Variants in FAM228B observed in about 807,000 individuals in gnomAD.
FAM228B encodes protein FAM228B.
FAM228B carries 38 observed loss-of-function variants against 42.6 expected under a neutral mutation model. That is an observed-to-expected ratio of 0.89 (90% CI 0.69 to 1.17). The LOEUF is 1.17. Ranked by LOEUF, FAM228B falls within the 50% of genes most tolerant of loss-of-function variation. The pLI is 0.00. For synonymous variants in FAM228B, 109 were observed against 122.3 expected, an observed-to-expected ratio of 0.89 and a Z score of 0.72; for missense variants, 344 against 367.3, an observed-to-expected ratio of 0.94 and a Z score of 0.52.
intron 2 of FAM228B, among the ~76,000 whole-genome samples, chr2:24,131,457 T>C (rs532813267): frequency 3.7e-4 from 57 of 152,374 alleles, no homozygotes; most frequent in African/African-American, 1.3e-3. Context: ...TTCCTATCCA[T>C]GAGCATGGAA....
chr2:24,167,561 C>G (rs906517960), intron 9 of FAM228B, 66 bp from the exon 10 acceptor site: 3 of 1,546,348 alleles, frequency 1.9e-6, no homozygotes, highest in Non-Finnish European at 2.6e-6. Context: ...TGAAGACAGT[C>G]TGTTCAGTAA....
At chr2:24,101,651 G>T (rs929593855) in intron 3 of FAM228B, among the ~76,000 whole-genome samples, 3 of 151,862 alleles carry the variant, frequency 2.0e-5, no homozygotes, top group Non-Finnish European at 4.4e-5. Context: ...TTCGAAATTA[G>T]TTCTCTTCCT....
Position 24,146,784 on chromosome 2 carries a change from G to A in FAM228B, c.478G>A (p.Ala160Thr), listed in dbSNP as rs1666904300. Residue 160 changes from alanine to threonine, a missense_variant, in exon 6 of 11, where the codon GCA becomes ACA. Coordinates refer to ENST00000615575, the MANE Select transcript of FAM228B (RefSeq NM_001145710.2). ...IPPFHDPLKK[A>T]QYDKDNEKRT... ...ACCATTTCATGACCCTTTGAAAAAA[G>A]CACAATATGACAAGGATAACGAAAA... is the stretch of plus-strand genomic sequence containing the variant. 5.2e-6 allele frequency: 8 copies of A among 1,550,064 alleles called. No individual in the cohort carries two copies. Among genetic ancestry groups the A allele is most frequent in the African/African-American group, 1.4e-5 (1 of 72,990 alleles).
rs568781294 is a variant in FAM228B at position 24,141,569 on chromosome 2, G to A, written c.441+2119G>A. On this transcript the variant is annotated intron_variant, in intron 5 of 10. Coordinates refer to ENST00000615575, the MANE Select transcript of FAM228B (RefSeq NM_001145710.2). ...TAATTTTTGTATTTTTAGTAGAGAC[G>A]GGGTTTCACCATGTTGATCAGGCTG... is the stretch of plus-strand genomic sequence containing the variant. Among the ~76,000 whole-genome samples the A allele has an allele frequency of 6.6e-5, 10 of 150,866 alleles. No individual in the cohort carries two copies. The East Asian group carries it at 9.7e-4, about 15-fold the overall frequency.
chr2:24,167,054 G>C (rs1667434667), intron 9 of FAM228B, among the ~76,000 whole-genome samples: 1 of 152,024 alleles, frequency 6.6e-6, no homozygotes, highest in Non-Finnish European at 1.5e-5. Context: ...GTGAGGGGAA[G>C]CTGTGCGGAG....
In FAM228B at chr2:24,084,520, C is replaced by G; in HGVS notation, c.-210+3565C>G. 1 of 707,294 alleles carries G rather than the reference C, an allele frequency of 1.4e-6. No homozygotes were observed. Among genetic ancestry groups the G allele is most frequent in the South Asian group, 2.4e-5 (1 of 41,294 alleles). 43.8% of individuals were successfully genotyped at this position (707,294 alleles called of 1,614,324 possible). On this transcript the variant is annotated intron_variant, in intron 2 of 10. Coordinates refer to the FAM228B transcript ENST00000613899. This position sits in a 1 kb window ranked among gnomAD's most constrained non-coding sequence, Gnocchi z 8.4. Reference sequence around the variant, plus strand: ...CCCTGGTCTGCCGCGGACCCGGCCTCCGCCCCGAGCTCCTGCCTGGGAAGT... The same window carrying G: ...CCCTGGTCTGCCGCGGACCCGGCCTGCGCCCCGAGCTCCTGCCTGGGAAGT...
intron 7 of FAM228B, among the ~76,000 whole-genome samples, chr2:24,154,176 A>G (rs1475376333): frequency 6.6e-6 from 1 of 152,200 alleles, no homozygotes; most frequent in Non-Finnish European, 1.5e-5. Flanking sequence ...GTGATTGCTC[A>G]CCTGATTTTT....
intron 7 of FAM228B, 76 bp from the exon 8 acceptor site, chr2:24,161,430 C>G (rs766454922): frequency 6.0e-5 from 52 of 865,142 alleles, no homozygotes; most frequent in Non-Finnish European, 8.9e-5. Context: ...ACAGCCTGAG[C>G]AACAGAGATC....
chr2:24,084,230 T>A lies in FAM228B; in HGVS notation c.-210+3275T>A. 1.2e-6 allele frequency: 2 copies of A among 1,613,970 alleles called. No homozygotes were observed. Among genetic ancestry groups the A allele is most frequent in the Non-Finnish European group, 1.7e-6 (2 of 1,179,962 alleles). The stretch of plus-strand genomic sequence containing the variant: ...CGGTTCAGGGCGCTGGCCGCCACCT[T>A]CAGGAGGACTTCACCCTCCCCCGGG... On this transcript the variant is annotated intron_variant, in intron 2 of 10. Transcript: ENST00000613899. The surrounding 1 kb of genome is among the most constrained non-coding windows in gnomAD (Gnocchi z 8.4).
chr2:24,156,225 C>CT (rs1458685818), intron 7 of FAM228B, among the ~76,000 whole-genome samples: 2 of 152,150 alleles, frequency 1.3e-5, no homozygotes, highest in East Asian at 1.9e-4. Flanking sequence ...ATCTAACTTG[C>CT]TTTTTTTGTG....
intron 2 of FAM228B, among the ~76,000 whole-genome samples, chr2:24,126,032 A>C (rs984655776): frequency 3.3e-5 from 5 of 152,154 alleles, no homozygotes; most frequent in African/African-American, 7.2e-5. Flanking sequence ...GTTGAATGCT[A>C]TTCCCTTATC....
intron 2 of FAM228B, among the ~76,000 whole-genome samples, chr2:24,129,510 T>C (rs915166069): frequency 1.3e-5 from 2 of 152,130 alleles, no homozygotes; most frequent in African/African-American, 4.8e-5. Context: ...TGACTCTGTT[T>C]ATTATTTTCT....
chr2:24,116,900 A>T (rs191289999), intron 3 of FAM228B, among the ~76,000 whole-genome samples: 1 of 152,012 alleles, frequency 6.6e-6, no homozygotes, highest in African/African-American at 2.4e-5. Flanking sequence ...AAAAAGAAAA[A>T]CAGAAACACA....
upstream of FAM228B, chr2:24,119,635 T>C (rs1056122): frequency 0.34 from 553,258 of 1,609,412 alleles, 98,585 homozygotes; most frequent in South Asian, 0.42. Flanking sequence ...TGTAAGTTGC[T>C]ACCAGAAGAT....
rs368752847 is a variant in FAM228B at position 24,080,217 on chromosome 2, C to T, written c.-289-659C>T. 1.2e-4 allele frequency among the ~76,000 whole-genome samples: 18 copies of T among 151,848 alleles called. No individual in the cohort carries two copies. The highest frequency in any genetic ancestry group is 2.0e-4 in the Admixed American group (3 of 15,218). On this transcript the variant is annotated intron_variant, in intron 1 of 10. Transcript: ENST00000613899. The surrounding 1 kb of genome is among the most constrained non-coding windows in gnomAD (Gnocchi z 4.7). ...ACTAAAAATACAAAAATTAGCTGGG[C>T]GTGGTGGTGCGCCTGTGATCTCAGC...
At chr2:24,085,681 A>G (rs1033800135) in intron 2 of FAM228B, 7 of 152,112 alleles carry the variant, frequency 4.6e-5, no homozygotes, top group African/African-American at 1.7e-4. Context: ...CTGACCCCCT[A>G]CACTGCTCCT....
chr2:24,121,101 A>C, upstream of FAM228B: 1 of 1,593,388 alleles, frequency 6.3e-7, no homozygotes, highest in East Asian at 2.2e-5. Context: ...CAGGCAGAGC[A>C]AGGAAATTTG....
chr2:24,129,621 ATTGAGGT>A (rs1004094552), intron 2 of FAM228B, among the ~76,000 whole-genome samples: 29 of 151,668 alleles, frequency 1.9e-4, no homozygotes, highest in Admixed American at 1.7e-3. Context: ...CTACTAACCC[ATTGAGGT>A]TTGTTTATTT....
chr2:24,102,572 T>G (rs933692928), intron 3 of FAM228B, among the ~76,000 whole-genome samples: 3 of 152,106 alleles, frequency 2.0e-5, no homozygotes, highest in Admixed American at 6.6e-5. Flanking sequence ...ACCCTGTCTC[T>G]ATTAGAAGTA....
Sources: allele counts gnomAD v4.1 joint callset (sites outside exome capture counted in the v4.1 genomes callset), GRCh38; gene constraint gnomAD v4.1.1; non-coding constraint Gnocchi (gnomAD v3.1); transcripts MANE v1.5; gene names NCBI Gene and HGNC (gene_info 2026-07-23, HGNC 2026-07-21).